ETFA: variants seen among roughly 807,000 people sequenced by gnomAD.
The protein encoded by ETFA is electron transfer flavoprotein subunit alpha.
Under a neutral mutation model 46.2 loss-of-function variants are expected in ETFA, and 22 were observed. The ratio of observed to expected loss-of-function variants is 0.48; its 90% CI spans 0.34 to 0.68. ETFA has a LOEUF of 0.68. Among genes scored for constraint, ETFA ranks in the 30% least tolerant of loss-of-function variants. ETFA has a pLI of 0.01. For missense variants in ETFA, 345 were observed against 401.1 expected (o/e 0.86, Z 1.19); for synonymous variants, 131 against 139.9 (o/e 0.94, Z 0.45).
chr15:76,291,838 A>G (rs1024456174), intron 4 of ETFA, among the ~76,000 whole-genome samples: 2 of 152,170 alleles, frequency 1.3e-5, no homozygotes, highest in Non-Finnish European at 2.9e-5. Context: ...ACCCACGGCC[A>G]CAGAGAGAGA....
intron 6 of ETFA, 53 bp from the exon 7 acceptor site, chr15:76,285,791 C>A (rs1336098500): frequency 1.1e-5 from 12 of 1,119,178 alleles, no homozygotes; most frequent in Non-Finnish European, 1.6e-5. Flanking sequence ...AGTTCTATAA[C>A]AAGAATTATT....
At chr15:76,306,211 T>C (rs61018254) in intron 1 of ETFA, among the ~76,000 whole-genome samples, 41,634 of 149,238 alleles carry the variant, frequency 0.28, 6,320 homozygotes, top group East Asian at 0.57. Context: ...ACCCCAACCA[T>C]CTTTGGAAAC....
chr15:76,284,180 T>G lies in ETFA; in HGVS notation c.665-355A>C, dbSNP rs1393782383. Among the ~76,000 whole-genome samples, 3 of 152,252 alleles carry G rather than the reference T, an allele frequency of 2.0e-5. No homozygotes were observed. The East Asian group carries it at 5.8e-4, about 29-fold the overall frequency. ...CAATAAATTTCTCTGAATGACTGAATAAAGTTATTATTTGAATGGGAGTCA... is the reference window on the plus strand; with the variant it reads ...CAATAAATTTCTCTGAATGACTGAAGAAAGTTATTATTTGAATGGGAGTCA... On this transcript the variant is annotated intron_variant, in intron 7 of 11. Coordinates refer to ENST00000557943, the MANE Select transcript of ETFA (RefSeq NM_000126.4).
At chr15:76,276,153 T>C (rs946347633) in intron 8 of ETFA, among the ~76,000 whole-genome samples, 1 of 152,182 alleles carries the variant, frequency 6.6e-6, no homozygotes, top group Admixed American at 6.5e-5. Context: ...CTATGACATA[T>C]TCTGCCAATT....
chr15:76,223,741 A>G (rs150065380), intron 11 of ETFA, among the ~76,000 whole-genome samples: 15 of 152,258 alleles, frequency 9.9e-5, no homozygotes, highest in Admixed American at 2.0e-4. Flanking sequence ...ACTCTTTCTC[A>G]CTGAGAAACC....
At chr15:76,287,272 C>G (rs781676835) in intron 5 of ETFA, among the ~76,000 whole-genome samples, 15 of 152,178 alleles carry the variant, frequency 9.9e-5, no homozygotes, top group South Asian at 2.1e-4. Flanking sequence ...AAGCAATCCT[C>G]CCACCTCAGC....
At chr15:76,227,512 T>A (rs1047769126) in intron 10 of ETFA, among the ~76,000 whole-genome samples, 2 of 656 alleles carry the variant, frequency 3.0e-3, no homozygotes, top group Non-Finnish European at 7.6e-3. Flanking sequence ...TGAGACTCTG[T>A]CTCAAAAAAA....
intron 9 of ETFA, among the ~76,000 whole-genome samples, chr15:76,233,151 T>A (rs1784527579): frequency 6.6e-6 from 1 of 152,058 alleles, no homozygotes; most frequent in African/African-American, 2.4e-5. Context: ...TAAAAAGCAA[T>A]TGCATGCTCT....
chr15:76,264,377 G>A (rs1435981540), intron 9 of ETFA, among the ~76,000 whole-genome samples: 1 of 152,208 alleles, frequency 6.6e-6, no homozygotes, highest in Non-Finnish European at 1.5e-5. Context: ...CTGGGAGTTG[G>A]CCCTAATTGG....
At chr15:76,283,959 A>G in intron 7 of ETFA, 134 bp from the exon 8 acceptor site, 1 of 662,486 alleles carries the variant, frequency 1.5e-6, no homozygotes, top group Middle Eastern at 3.7e-4. Context: ...TCCTCTATAA[A>G]CCTTTTCTGG....
At chr15:76,282,248 C>G (rs1295959628) in intron 8 of ETFA, among the ~76,000 whole-genome samples, 2 of 152,072 alleles carry the variant, frequency 1.3e-5, no homozygotes, top group African/African-American at 4.8e-5. Context: ...AATGCAGTCC[C>G]ACAGAGAAGA....
At chr15:76,303,221 T>C (rs1473172754) in intron 1 of ETFA, among the ~76,000 whole-genome samples, 1 of 152,084 alleles carries the variant, frequency 6.6e-6, no homozygotes, top group African/African-American at 2.4e-5. Context: ...GGCAGGAGAA[T>C]TGCTTGAACC....
chr15:76,264,644 A>G (rs1247194585), intron 9 of ETFA, among the ~76,000 whole-genome samples: 2 of 152,248 alleles, frequency 1.3e-5, no homozygotes, highest in African/African-American at 4.8e-5. Context: ...ATGCTAATGC[A>G]GAGTGTCAAA....
intron 11 of ETFA, among the ~76,000 whole-genome samples, chr15:76,223,179 T>G (rs1235877969): frequency 6.6e-6 from 1 of 151,982 alleles, no homozygotes; most frequent in East Asian, 1.9e-4. Flanking sequence ...TCTCTACTTT[T>G]GTATTAATCA....
intron 9 of ETFA, among the ~76,000 whole-genome samples, chr15:76,234,399 C>G (rs1321889268): frequency 6.6e-6 from 1 of 152,134 alleles, no homozygotes; most frequent in African/African-American, 2.4e-5. Flanking sequence ...ACACAAAACT[C>G]TCTACAGATG....
At chr15:76,293,045 G>A (rs1006262371) in intron 2 of ETFA, among the ~76,000 whole-genome samples, 1 of 152,196 alleles carries the variant, frequency 6.6e-6, no homozygotes, top group Non-Finnish European at 1.5e-5. Context: ...ACTGAGGCAA[G>A]AGAATGGCTT....
intron 1 of ETFA, among the ~76,000 whole-genome samples, chr15:76,300,463 G>C (rs540969140): frequency 7.9e-5 from 12 of 152,184 alleles, no homozygotes; most frequent in African/African-American, 2.9e-4. Context: ...TCCTTCTAAA[G>C]AGAGCTACTC....
chr15:76,285,869 C>T, intron 6 of ETFA, 131 bp from the exon 7 acceptor site: 1 of 686,854 alleles, frequency 1.5e-6, no homozygotes, highest in South Asian at 1.6e-5. Context: ...TTTCAGTGCT[C>T]CTAATTAATT....
chr15:76,273,499 G>T (rs1056008885), intron 9 of ETFA, among the ~76,000 whole-genome samples: 1 of 151,920 alleles, frequency 6.6e-6, no homozygotes, highest in African/African-American at 2.4e-5. Context: ...AGGTTGCAGT[G>T]AGCCGAGATT....
Sources: gnomAD v4.1 joint callset for allele counts (sites outside exome capture counted in the v4.1 genomes callset) on GRCh38, gnomAD v4.1.1 for gene constraint, MANE v1.5 for transcripts, NCBI Gene and HGNC (gene_info 2026-07-23, HGNC 2026-07-21) for gene names.